Variants in DHRS12 observed in about 807,000 individuals in gnomAD.
DHRS12 encodes dehydrogenase/reductase 12, also known as dehydrogenase/reductase SDR family member 12.
A neutral mutation model predicts 32.1 loss-of-function variants in DHRS12; 29 were observed. The ratio of observed to expected loss-of-function variants is 0.90; its 90% CI spans 0.67 to 1.23. The LOEUF is 1.23. Ranked by LOEUF, DHRS12 falls within the 50% of genes most tolerant of loss-of-function variation. The pLI, the probability that DHRS12 is intolerant of heterozygous loss-of-function variation, is 0.00. For synonymous variants in DHRS12, 150 were observed against 135.9 expected (o/e 1.10, Z -0.72); for missense variants, 330 against 337.2 (o/e 0.98, Z 0.17).
Position 51,799,636 on chromosome 13 carries a change from CAA to C in DHRS12, c.22_23del (p.Leu8ValfsTer45). The C allele has an allele frequency of 6.2e-7, 1 of 1,614,140 alleles. No homozygotes were observed. The highest frequency in any genetic ancestry group is 8.5e-7 in the Non-Finnish European group (1 of 1,180,030). The part of the protein sequence containing the change: MNLHVKT[L>X]SLMTWRSRFL... ...ATCTGGACCTCCAAGTCATGAGGGA[CAA>C]AGTCTTTACATGCAGATTCATAGCC... is the stretch of plus-strand genomic sequence containing the variant. On this transcript the variant is annotated frameshift_variant, in exon 2 of 9. Coordinates refer to ENST00000444610, the MANE Select transcript of DHRS12 (RefSeq NM_001377533.1). LOFTEE classifies it high-confidence loss of function.
chr13:51,769,067 G>C, intron 8 of DHRS12, 89 bp downstream of exon 8: 2 of 1,537,416 alleles, frequency 1.3e-6, no homozygotes, highest in Non-Finnish European at 8.8e-7. Flanking sequence ...TCCCACCCCA[G>C]GTTTCACGGA....
At chr13:51,781,706 A>C (rs1954717812) in intron 4 of DHRS12, among the ~76,000 whole-genome samples, 1 of 152,174 alleles carries the variant, frequency 6.6e-6, no homozygotes. Context: ...GAGGCTGGAG[A>C]GTGCAACCAA....
chr13:51,784,147 C>T (rs1357675845), intron 4 of DHRS12, among the ~76,000 whole-genome samples: 1 of 152,216 alleles, frequency 6.6e-6, no homozygotes, highest in East Asian at 1.9e-4. Context: ...CTGCTCAGTG[C>T]AGCCAGTGTG....
At chr13:51,798,883 G>A (rs74727979) in intron 2 of DHRS12, among the ~76,000 whole-genome samples, 1,705 of 152,312 alleles carry the variant, frequency 0.011, 14 homozygotes, top group African/African-American at 0.021. Flanking sequence ...ACCCAGGATC[G>A]TTGAGCTCAT....
downstream of DHRS12, chr13:51,767,660 A>ATCT (rs776665580): frequency 1.9e-5 from 3 of 154,770 alleles, no homozygotes; most frequent in Non-Finnish European, 4.3e-5. Flanking sequence ...GCCACTCCTA[A>ATCT]TCTTAAGCAA....
At chr13:51,771,430 A>C (rs1453816440) in intron 7 of DHRS12, 2 of 1,614,054 alleles carry the variant, frequency 1.2e-6, no homozygotes, top group Non-Finnish European at 8.5e-7. Flanking sequence ...ATTTCCAAAA[A>C]CCTGGGGAGT....
chr13:51,777,399 T>C lies in DHRS12; in HGVS notation c.302-278A>G, dbSNP rs1322612687. The C allele has an allele frequency of 1.5e-5, 7 of 458,762 alleles. No individual in the cohort carries two copies. In the South Asian group the frequency reaches 2.0e-4, roughly 13 times the overall value. The allele number at this position is 458,762 out of a possible 1,614,324, so 28.4% of individuals were successfully genotyped here. On this transcript the variant is annotated intron_variant, in intron 4 of 8. Coordinates refer to ENST00000444610, the MANE Select transcript of DHRS12 (RefSeq NM_001377533.1). The stretch of plus-strand genomic sequence containing the variant: ...AAAAAGAAAACTGCCAAACCGTAGA[T>C]GGGTCCACTTTGCAGAAGAAAAAAT...
chr13:51,803,857 G>A (rs1025546246), intron 1 of DHRS12, 197 bp downstream of exon 1: 1 of 421,516 alleles, frequency 2.4e-6, no homozygotes, highest in East Asian at 4.2e-5. Context: ...CGGGCATTGA[G>A]CGGCTGGAGT....
chr13:51,797,936 GA>G (rs776344876), intron 2 of DHRS12: 89 of 1,532,294 alleles, frequency 5.8e-5, no homozygotes, highest in Non-Finnish European at 7.6e-5. Context: ...AACCATCTGT[GA>G]GTTACAGCGA....
At chr13:51,769,421 T>C (rs984179948) in intron 7 of DHRS12, 128 bp from the exon 8 acceptor site, 37 of 818,228 alleles carry the variant, frequency 4.5e-5, no homozygotes, top group Non-Finnish European at 6.0e-5. Flanking sequence ...TTCTATTTTA[T>C]AGCACTCACC....
intron 4 of DHRS12, 38 bp from the exon 5 acceptor site, chr13:51,777,159 G>A (rs1954467779): frequency 6.2e-7 from 1 of 1,612,528 alleles, no homozygotes; most frequent in African/African-American, 1.3e-5. Context: ...GGGGCTGCAG[G>A]AAGCCCCAAC....
the DHRS12 span, chr13:51,758,194 G>T: frequency 6.4e-7 from 1 of 1,565,436 alleles, no homozygotes; most frequent in Non-Finnish European, 8.7e-7. Context: ...CCTTCTAGAC[G>T]TGCACCCACA....
At chr13:51,788,209 G>C (rs940833638) in intron 4 of DHRS12, among the ~76,000 whole-genome samples, 1 of 151,936 alleles carries the variant, frequency 6.6e-6, no homozygotes, top group Admixed American at 6.6e-5. Context: ...CCAGTCCTGC[G>C]GAACAGTGCC....
chr13:51,768,548 A>G lies in DHRS12; in HGVS notation c.698-252T>C, dbSNP rs111967972. On this transcript the variant is annotated intron_variant, in intron 8 of 8. Transcript: ENST00000444610. ...GACCACGTTTGGGTGATCAGCAGGA[A>G]GGGGTGCGGCCATCCTCCCGGATAC... The G allele has an allele frequency of 2.6e-3, 3,577 of 1,358,972 alleles. 94 individuals carry two copies. In the African/African-American group the frequency reaches 0.049, roughly 19 times the overall value. 84.2% of individuals were successfully genotyped at this position (1,358,972 alleles called of 1,614,324 possible). A position where few individuals can be genotyped will look rare whatever the true frequency, so the allele number is the denominator to read the frequency against.
intron 4 of DHRS12, among the ~76,000 whole-genome samples, chr13:51,783,562 C>T (rs376596639): frequency 1.7e-4 from 26 of 152,232 alleles, no homozygotes; most frequent in Admixed American, 4.6e-4. Context: ...CATGTAACTA[C>T]GCATTAGACT....
At chr13:51,798,165 A>C (rs1445393337) in intron 2 of DHRS12, among the ~76,000 whole-genome samples, 1 of 152,148 alleles carries the variant, frequency 6.6e-6, no homozygotes, top group Non-Finnish European at 1.5e-5. Context: ...GATAAGAAAC[A>C]TTGATCTGGG....
the DHRS12 span, chr13:51,755,306 C>T: frequency 6.4e-7 from 1 of 1,562,502 alleles, no homozygotes; most frequent in Admixed American, 1.7e-5. Flanking sequence ...CAGTGGTTTC[C>T]ATTGTCCTGA....
chr13:51,770,847 G>A, intron 7 of DHRS12: 1 of 1,074,810 alleles, frequency 9.3e-7, no homozygotes, highest in Non-Finnish European at 1.1e-6. Flanking sequence ...ATGATTGGCA[G>A]CAGAGTCTTC....
In DHRS12 at chr13:51,790,002, T is replaced by C; in HGVS notation, c.301+9A>G. The C allele has an allele frequency of 1.3e-6, 2 of 1,589,036 alleles. No individual in the cohort carries two copies. Among genetic ancestry groups the C allele is most frequent in the Non-Finnish European group, 1.7e-6 (2 of 1,172,930 alleles). ...GCTAAAAACAAATAAGAAAACTTCTTGTACTTACCCAGAGTATTGGCAGCA... is the reference window on the plus strand; with the variant it reads ...GCTAAAAACAAATAAGAAAACTTCTCGTACTTACCCAGAGTATTGGCAGCA... On this transcript the variant is annotated intron_variant, in intron 4 of 8. Transcript: ENST00000444610.
Sources: gnomAD v4.1 joint callset for allele counts (sites outside exome capture counted in the v4.1 genomes callset) on GRCh38, gnomAD v4.1.1 for gene constraint, MANE v1.5 for transcripts, NCBI Gene and HGNC (gene_info 2026-07-23, HGNC 2026-07-21) for gene names.